The following NRG1 variants were observed in gnomAD, a reference collection of about 807,000 sequenced individuals.
NRG1 encodes the protein pro-neuregulin-1, membrane-bound isoform.
A neutral mutation model predicts 63.8 loss-of-function variants in NRG1; 18 were observed. The observed-to-expected ratio is 0.28, with a 90% CI of 0.19 to 0.42. The LOEUF is 0.42. Ranked by LOEUF, NRG1 falls within the 10% of genes least tolerant of loss-of-function variation. The pLI is 1.00. For synonymous variants in NRG1, 302 were observed against 301.3 expected, an observed-to-expected ratio of 1.00 and a Z score of -0.02; for missense variants, 762 against 814.7, an observed-to-expected ratio of 0.94 and a Z score of 0.79.
At chr8:31,877,449 C>G (rs1204601050) in intron 1 of NRG1, among the ~76,000 whole-genome samples, 4 of 151,712 alleles carry the variant, frequency 2.6e-5, no homozygotes, top group Non-Finnish European at 5.9e-5. Flanking sequence ...TTATCTCTCT[C>G]TCTCTGTCTC....
intron 1 of NRG1, among the ~76,000 whole-genome samples, chr8:32,542,622 C>T (rs1454859484): frequency 6.6e-6 from 1 of 152,138 alleles, no homozygotes; most frequent in Non-Finnish European, 1.5e-5. Context: ...GGCTCTAAGG[C>T]TGCAAAGGAT....
At chr8:32,134,975 A>G (rs558471629) in intron 1 of NRG1, among the ~76,000 whole-genome samples, 10 of 152,332 alleles carry the variant, frequency 6.6e-5, no homozygotes, top group African/African-American at 2.4e-4. Context: ...AATAACACTT[A>G]AAGTGAGATC....
chr8:32,429,381 T>G (rs1467151820), intron 1 of NRG1, among the ~76,000 whole-genome samples: 2 of 152,162 alleles, frequency 1.3e-5, no homozygotes, highest in Admixed American at 1.3e-4. Context: ...AATCACAGTC[T>G]CCTTTTACCA....
intron 1 of NRG1, among the ~76,000 whole-genome samples, chr8:32,408,539 A>G (rs1814422301): frequency 6.6e-6 from 1 of 152,094 alleles, no homozygotes; most frequent in South Asian, 2.1e-4. Context: ...ATTACCTTTA[A>G]TTAGCTTGCT....
intron 11 of NRG1, 86 bp from the exon 12 acceptor site, chr8:32,763,661 TA>T: frequency 7.7e-7 from 1 of 1,302,362 alleles, no homozygotes; most frequent in Non-Finnish European, 1.1e-6. Context: ...TCTGATGATA[TA>T]ATACCGTGAA....
chr8:31,947,971 A>AT (rs1802881577), intron 1 of NRG1, among the ~76,000 whole-genome samples: 1 of 150,040 alleles, frequency 6.7e-6, no homozygotes, highest in Non-Finnish European at 1.5e-5. Context: ...AAAAAAAAAA[A>AT]ACTACTACTT....
At chr8:31,864,654 G>C (rs1455418994) in intron 1 of NRG1, among the ~76,000 whole-genome samples, 2 of 152,128 alleles carry the variant, frequency 1.3e-5, no homozygotes, top group Non-Finnish European at 1.5e-5. Context: ...AGATGGTCAG[G>C]GGCCAGTTCT....
At chr8:32,267,131 GAGAA>G (rs1258335456) in intron 1 of NRG1, among the ~76,000 whole-genome samples, 4 of 148,244 alleles carry the variant, frequency 2.7e-5, no homozygotes, top group South Asian at 2.2e-4. Context: ...AGGAAGGAAG[GAGAA>G]AGAAGGAAGG....
chr8:31,670,386 A>C (rs1370565044), intron 1 of NRG1, among the ~76,000 whole-genome samples: 1 of 152,036 alleles, frequency 6.6e-6, no homozygotes, highest in Non-Finnish European at 1.5e-5. Flanking sequence ...TCCCAACCTG[A>C]CTTTATCCTT....
At chr8:31,765,088 T>G (rs1032095061) in intron 1 of NRG1, among the ~76,000 whole-genome samples, 5 of 152,150 alleles carry the variant, frequency 3.3e-5, no homozygotes, top group Non-Finnish European at 7.3e-5. Context: ...TTTTATTTTT[T>G]GAGTGATTAT....
chr8:32,569,523 A>T (rs1393078278), intron 1 of NRG1, among the ~76,000 whole-genome samples: 1 of 152,206 alleles, frequency 6.6e-6, no homozygotes, highest in African/African-American at 2.4e-5. Context: ...TTAAAAAAGA[A>T]AAGATTATAT....
chr8:31,815,581 T>A (rs1437588865), intron 1 of NRG1, among the ~76,000 whole-genome samples: 1 of 152,206 alleles, frequency 6.6e-6, no homozygotes, highest in Non-Finnish European at 1.5e-5. Flanking sequence ...TTTGAGTCCC[T>A]GCTTTCGGTT....
chr8:32,719,263 ATATT>A (rs1198182099), intron 5 of NRG1, among the ~76,000 whole-genome samples: 6 of 152,058 alleles, frequency 3.9e-5, no homozygotes, highest in African/African-American at 7.2e-5. Context: ...ATATAAGCAT[ATATT>A]TAAACAAGTA....
intron 1 of NRG1, among the ~76,000 whole-genome samples, chr8:31,818,945 T>C (rs1823726783): frequency 1.3e-5 from 2 of 152,046 alleles, no homozygotes; most frequent in Non-Finnish European, 2.9e-5. Context: ...TCCCAGCTAC[T>C]CGGGAGGCTG....
At chr8:31,648,580 G>C (rs1229778803) in intron 1 of NRG1, among the ~76,000 whole-genome samples, 2 of 152,046 alleles carry the variant, frequency 1.3e-5, no homozygotes, top group Non-Finnish European at 2.9e-5. Context: ...TCCTCCCCCA[G>C]CCACTGACAA....
chr8:32,578,561 C>T (rs1840078185), intron 1 of NRG1, among the ~76,000 whole-genome samples: 1 of 132,536 alleles, frequency 7.5e-6, no homozygotes, highest in Admixed American at 7.6e-5. Flanking sequence ...AGGTCCACTG[C>T]ATTGCTGATA....
At chr8:32,631,588 T>C (rs1850321176) in intron 5 of NRG1, among the ~76,000 whole-genome samples, 1 of 152,172 alleles carries the variant, frequency 6.6e-6, no homozygotes, top group African/African-American at 2.4e-5. Flanking sequence ...AGTTGGGAGA[T>C]GAACAGTTGT....
chr8:31,887,930 GTTTA>G (rs968152883), intron 1 of NRG1, among the ~76,000 whole-genome samples: 1 of 151,484 alleles, frequency 6.6e-6, no homozygotes, highest in African/African-American at 2.4e-5. Context: ...AATTATTTGT[GTTTA>G]TTCAAAAATA....
At chr8:32,259,212 C>G (rs1850086430) in intron 1 of NRG1, among the ~76,000 whole-genome samples, 1 of 152,152 alleles carries the variant, frequency 6.6e-6, no homozygotes, top group Admixed American at 6.5e-5. Context: ...GTTTGAATGT[C>G]CCTATCAAAA....
Sources: allele counts gnomAD v4.1 joint callset (sites outside exome capture counted in the v4.1 genomes callset), GRCh38; gene constraint gnomAD v4.1.1; transcripts MANE v1.5; gene names NCBI Gene and HGNC (gene_info 2026-07-23, HGNC 2026-07-21).